The following NTNG1 variants were observed in gnomAD, a reference collection of about 807,000 sequenced individuals.
NTNG1 encodes netrin G1, also known as netrin-G1.
A neutral mutation model predicts 54.0 loss-of-function variants in NTNG1; 16 were observed. The ratio of observed to expected loss-of-function variants is 0.30; its 90% CI spans 0.20 to 0.45. NTNG1 has a LOEUF of 0.45. Ranked by LOEUF, NTNG1 falls within the 20% of genes least tolerant of loss-of-function variation. The pLI is 1.00. For missense variants in NTNG1, 530 were observed against 678.7 expected, an observed-to-expected ratio of 0.78 and a Z score of 2.43; for synonymous variants, 255 against 263.1, an observed-to-expected ratio of 0.97 and a Z score of 0.30.
chr1:107,355,040 C>T (rs763662059), intron 3 of NTNG1, among the ~76,000 whole-genome samples: 5 of 152,212 alleles, frequency 3.3e-5, no homozygotes, highest in Non-Finnish European at 7.4e-5. Flanking sequence ...ACATGAAACT[C>T]TTATCATTGA....
chr1:107,207,974 C>T (rs1246731427), intron 2 of NTNG1, among the ~76,000 whole-genome samples: 1 of 152,220 alleles, frequency 6.6e-6, no homozygotes, highest in Non-Finnish European at 1.5e-5. Context: ...ACCAGGGACT[C>T]GTACTCACAG....
chr1:107,281,899 A>G (rs1468745521), intron 2 of NTNG1, among the ~76,000 whole-genome samples: 1 of 152,158 alleles, frequency 6.6e-6, no homozygotes, highest in Non-Finnish European at 1.5e-5. Flanking sequence ...AAAAAAAGAT[A>G]CTGATCCAAT....
chr1:107,291,304 T>A (rs1410691143), intron 2 of NTNG1, among the ~76,000 whole-genome samples: 1 of 152,168 alleles, frequency 6.6e-6, no homozygotes, highest in African/African-American at 2.4e-5. Context: ...ATAATACATA[T>A]AACATAGAAA....
intron 2 of NTNG1, among the ~76,000 whole-genome samples, chr1:107,201,366 C>T (rs1384424866): frequency 3.3e-5 from 5 of 151,758 alleles, no homozygotes; most frequent in Admixed American, 2.6e-4. Flanking sequence ...TACTCTCGTG[C>T]CAACTTGTTA....
chr1:107,300,350 A>G (rs1666245578), intron 2 of NTNG1, among the ~76,000 whole-genome samples: 2 of 152,176 alleles, frequency 1.3e-5, no homozygotes, highest in Admixed American at 6.5e-5. Context: ...CTCTTGAAAA[A>G]TGAGAGAATT....
At chr1:107,382,269 G>A (rs773163596) in intron 3 of NTNG1, among the ~76,000 whole-genome samples, 1 of 152,082 alleles carries the variant, frequency 6.6e-6, no homozygotes, top group Non-Finnish European at 1.5e-5. Context: ...GCCAATGTGA[G>A]ACATTTTTCA....
At chr1:107,389,682 T>G (rs1672244126) in intron 3 of NTNG1, among the ~76,000 whole-genome samples, 1 of 152,210 alleles carries the variant, frequency 6.6e-6, no homozygotes, top group Admixed American at 6.5e-5. Context: ...CATTTATCAC[T>G]TGCACACAAG....
intron 2 of NTNG1, 34 bp downstream of exon 2, chr1:107,148,873 T>G: frequency 6.2e-7 from 1 of 1,600,680 alleles, no homozygotes; most frequent in South Asian, 1.1e-5. Context: ...ATATTTCATA[T>G]AAATAGGGTC....
chr1:107,213,303 T>C (rs2101397941), intron 2 of NTNG1, among the ~76,000 whole-genome samples: 2 of 152,206 alleles, frequency 1.3e-5, no homozygotes, highest in East Asian at 3.9e-4. Context: ...CAACAGCCTG[T>C]CTAAAGAGAC....
chr1:107,382,855 C>G (rs1370103716), intron 3 of NTNG1, among the ~76,000 whole-genome samples: 2 of 147,796 alleles, frequency 1.4e-5, no homozygotes, highest in African/African-American at 5.0e-5. Context: ...AGTAGGCCAC[C>G]AAATAAGAGG....
chr1:107,378,316 G>C (rs890378151), intron 3 of NTNG1, among the ~76,000 whole-genome samples: 3 of 152,154 alleles, frequency 2.0e-5, no homozygotes, highest in African/African-American at 7.2e-5. Flanking sequence ...AAGACTGATC[G>C]CATAGCCAGG....
At chr1:107,171,926 T>C (rs976820945) in intron 2 of NTNG1, among the ~76,000 whole-genome samples, 1 of 152,150 alleles carries the variant, frequency 6.6e-6, no homozygotes, top group African/African-American at 2.4e-5. Flanking sequence ...GTTTTTTATT[T>C]TTTATTTTTA....
At chr1:107,466,962 C>T (rs770566357) in intron 7 of NTNG1, among the ~76,000 whole-genome samples, 3 of 152,186 alleles carry the variant, frequency 2.0e-5, no homozygotes, top group Non-Finnish European at 2.9e-5. Flanking sequence ...CACTCAAATA[C>T]CTTTTTCTTA....
intron 2 of NTNG1, among the ~76,000 whole-genome samples, chr1:107,269,693 G>A (rs578145058): frequency 6.6e-6 from 1 of 152,298 alleles, no homozygotes; most frequent in South Asian, 2.1e-4. Context: ...ATTTCTTCTA[G>A]CTCTGCAGCT....
intron 3 of NTNG1, among the ~76,000 whole-genome samples, chr1:107,337,816 T>C (rs1026296576): frequency 6.6e-6 from 1 of 152,010 alleles, no homozygotes; most frequent in Non-Finnish European, 1.5e-5. Context: ...TCGAAGTTTG[T>C]ACGGGGCTTC....
intron 2 of NTNG1, among the ~76,000 whole-genome samples, chr1:107,226,797 G>C (rs901776936): frequency 6.6e-6 from 1 of 151,998 alleles, no homozygotes; most frequent in African/African-American, 2.4e-5. Flanking sequence ...TTTCTTCCTC[G>C]CATGTTCTGA....
At chr1:107,439,459 G>A (rs1347797246) in intron 7 of NTNG1, among the ~76,000 whole-genome samples, 3 of 152,092 alleles carry the variant, frequency 2.0e-5, no homozygotes, top group African/African-American at 7.2e-5. Context: ...CCATCATATG[G>A]TTTTAAGCAG....
At chr1:107,347,957 G>C (rs11582399) in intron 3 of NTNG1, among the ~76,000 whole-genome samples, 78 of 152,092 alleles carry the variant, frequency 5.1e-4, no homozygotes, top group Middle Eastern at 3.2e-3. Flanking sequence ...TTGACACGTG[G>C]TGATCATGAG....
intron 2 of NTNG1, among the ~76,000 whole-genome samples, chr1:107,277,516 A>G (rs1386815841): frequency 6.6e-6 from 1 of 152,232 alleles, no homozygotes; most frequent in Admixed American, 6.5e-5. Flanking sequence ...GTAAGCTTCA[A>G]TTGTTAGCTA....
Sources: allele counts gnomAD v4.1 joint callset (sites outside exome capture counted in the v4.1 genomes callset), GRCh38; gene constraint gnomAD v4.1.1; transcripts MANE v1.5; gene names NCBI Gene and HGNC (gene_info 2026-07-23, HGNC 2026-07-21).